Variants in SYNM observed in about 807,000 individuals in gnomAD.
SYNM encodes desmuslin.
Under a neutral mutation model 104.0 loss-of-function variants are expected in SYNM, and 95 were observed. The ratio of observed to expected loss-of-function variants is 0.91; its 90% CI spans 0.77 to 1.08. The LOEUF is 1.08. SYNM is among the 50% of genes least tolerant of loss of function. The pLI is 0.00. For synonymous variants in SYNM, 918 were observed against 869.0 expected, an observed-to-expected ratio of 1.06 and a Z score of -0.99; for missense variants, 2,150 against 2,052.2, an observed-to-expected ratio of 1.05 and a Z score of -0.92.
chr15:99,121,719 A>G (rs548213106), intron 2 of SYNM, among the ~76,000 whole-genome samples: 41 of 152,340 alleles, frequency 2.7e-4, no homozygotes, highest in African/African-American at 9.9e-4. Context: ...ATAGAGCCCA[A>G]TGATCAGCAA....
downstream of SYNM, among the ~76,000 whole-genome samples, chr15:99,138,489 T>G (rs145311657): frequency 6.6e-6 from 1 of 152,278 alleles, no homozygotes; most frequent in South Asian, 2.1e-4. Flanking sequence ...AATTTTTGTA[T>G]TTTTAGTAGA....
At position 99,114,799 on chromosome 15, in the gene SYNM, AG is replaced by A. The variant is rs1555483757; in HGVS notation, c.935+1085del. Among the ~76,000 whole-genome samples, 7 of 151,896 alleles carry A rather than the reference AG, an allele frequency of 4.6e-5. No homozygotes were observed. The South Asian group carries it at 1.3e-3, about 27-fold the overall frequency. ...ATCACCCTCCTTTCCCCTGGGTGCC[AG>A]TGCGTCTTTGATTGAGGTGGTGCCC... On this transcript the variant is annotated intron_variant, in intron 2 of 3. Transcript: ENST00000336292.
downstream of SYNM, chr15:99,139,485 T>G: frequency 6.3e-7 from 1 of 1,587,714 alleles, no homozygotes; most frequent in African/African-American, 1.3e-5. Flanking sequence ...GAGAGAAAGA[T>G]GACCTCATTC....
At chr15:99,127,074 C>G (rs1172874631) in intron 3 of SYNM, among the ~76,000 whole-genome samples, 1 of 152,202 alleles carries the variant, frequency 6.6e-6, no homozygotes, top group African/African-American at 2.4e-5. Flanking sequence ...TGAGGGCGAG[C>G]AGGAGTGCAC....
chr15:99,118,421 C>T (rs2067370171), intron 2 of SYNM, among the ~76,000 whole-genome samples: 2 of 152,138 alleles, frequency 1.3e-5, no homozygotes, highest in Non-Finnish European at 2.9e-5. Flanking sequence ...TGGCCGTTGC[C>T]CCAGAATTGC....
At chr15:99,112,831 C>T (rs549639816) in intron 1 of SYNM, among the ~76,000 whole-genome samples, 7 of 152,192 alleles carry the variant, frequency 4.6e-5, no homozygotes, top group Non-Finnish European at 8.8e-5. Context: ...GTTCCTCAGC[C>T]TCCTGAGTAG....
chr15:99,139,504 T>G (rs782595589), downstream of SYNM: 3 of 1,563,756 alleles, frequency 1.9e-6, no homozygotes, highest in African/African-American at 4.1e-5. Flanking sequence ...TCTTAGGCCC[T>G]GCTGTGATGG....
rs2067352140 is a variant in SYNM, at chr15:99,116,630, T to C, written c.935+2915T>C. ...GTGAAAGGGCAGCAGGCATGTCACA[T>C]GGCAAGAGAGCGAGCAAGAGAGTGG... On this transcript the variant is annotated intron_variant, in intron 2 of 3. Coordinates refer to ENST00000336292, the MANE Select transcript of SYNM (RefSeq NM_145728.3). Among the ~76,000 whole-genome samples the C allele has an allele frequency of 1.4e-5, 2 of 143,414 alleles. 1 individual carries two copies. The highest frequency in any genetic ancestry group is 3.1e-5 in the Non-Finnish European group (2 of 64,632). The allele number at this position is 143,414 out of a possible 152,430, so 94.1% of individuals were successfully genotyped here.
chr15:99,114,540 G>A (rs1312949477), intron 2 of SYNM, among the ~76,000 whole-genome samples: 1 of 152,048 alleles, frequency 6.6e-6, no homozygotes, highest in Non-Finnish European at 1.5e-5. Context: ...ATGCCACCCT[G>A]TGTGGGTTTG....
At chr15:99,139,299 T>A, downstream of SYNM, 1 of 1,609,378 alleles carries the variant, frequency 6.2e-7, no homozygotes, top group Non-Finnish European at 8.5e-7. Flanking sequence ...AGAGAAAGTG[T>A]GAGGGACGCC....
At position 99,130,767 on chromosome 15, in the gene SYNM, C is replaced by T. The variant is rs782473807; in HGVS notation, c.2407C>T (p.Arg803Ter). ...SDVTFSVNQH[R>*]RTKQPQENTT... ...TGTCACATTCTCAGTTAATCAGCAT[C>T]GAAGGACCAAGCAGCCTCAGGAGAA... The change falls in exon 4 of 4, where the codon CGA becomes TGA. Residue 803 changes from arginine to a stop codon, truncating the protein, a stop_gained. Coordinates refer to ENST00000336292, the MANE Select transcript of SYNM (RefSeq NM_145728.3). LOFTEE classifies it high-confidence loss of function. The T allele has an allele frequency of 6.8e-6, 11 of 1,613,732 alleles. No individual in the cohort carries two copies. Among genetic ancestry groups the T allele is most frequent in the East Asian group, 2.2e-5 (1 of 44,874 alleles).
In SYNM at chr15:99,131,798, T is replaced by C. The variant is rs782737537; in HGVS notation, c.3438T>C (p.Thr1146=). Residue 1146 remains threonine, a synonymous_variant, in exon 4 of 4, where the codon ACT becomes ACC. Transcript: ENST00000336292. This position sits in a 1 kb window ranked among gnomAD's most constrained non-coding sequence, Gnocchi z 4.3. ...AGCGAATGTCATATGAAGGACCCAC[T>C]GCAGAAGTGGTGGAGGTAAGTGCGG... ...RTERMSYEGP[T]AEVVEVSAGG... 8 of 1,613,922 alleles carry C rather than the reference T, an allele frequency of 5.0e-6. No individual in the cohort carries two copies. The East Asian group carries it at 1.8e-4, about 36-fold the overall frequency.
chr15:99,105,262 G>A lies in SYNM; in HGVS notation c.63G>A (p.Arg21=). The A allele has an allele frequency of 6.4e-7, 1 of 1,565,158 alleles. No homozygotes were observed. Among genetic ancestry groups the A allele is most frequent in the Non-Finnish European group, 8.7e-7 (1 of 1,155,732 alleles). The change falls in exon 1 of 4, where the codon CGG becomes CGA. Residue 21 remains arginine (R), a synonymous_variant. Transcript: ENST00000336292. The stretch of plus-strand genomic sequence containing the variant: ...CCGAGCTCCAGGAGCTCAACGCCCG[G>A]CTCTATGACTACGTGTGTCGGGTGC... ...EKAELQELNA[R]LYDYVCRVRE...
intron 3 of SYNM, among the ~76,000 whole-genome samples, chr15:99,127,458 AAGAGCT>A (rs781966498): frequency 6.6e-6 from 1 of 152,196 alleles, no homozygotes; most frequent in African/African-American, 2.4e-5. Context: ...TAGAATCTTG[AAGAGCT>A]CTGGCTAAGC....
At chr15:99,112,931 G>A (rs879970598) in intron 1 of SYNM, among the ~76,000 whole-genome samples, 2 of 152,110 alleles carry the variant, frequency 1.3e-5, no homozygotes, top group Non-Finnish European at 1.5e-5. Context: ...GGCTGGTCTC[G>A]AACTCCCGAC....
downstream of SYNM, chr15:99,138,186 C>G: frequency 6.3e-7 from 1 of 1,593,904 alleles, no homozygotes; most frequent in Non-Finnish European, 8.5e-7. Context: ...ACACCGTTCC[C>G]ATCCAGCCTT....
chr15:99,113,225 C>T (rs1454990942), intron 1 of SYNM, among the ~76,000 whole-genome samples: 2 of 152,156 alleles, frequency 1.3e-5, no homozygotes, highest in African/African-American at 4.8e-5. Context: ...GATTTCTAGT[C>T]TTGGCTTATT....
In SYNM at chr15:99,131,846, G is replaced by A. The variant is rs2067512500; in HGVS notation, c.3486G>A (p.Ala1162=). The A allele has an allele frequency of 5.0e-6, 8 of 1,613,836 alleles. No homozygotes were observed. The highest frequency in any genetic ancestry group is 1.1e-5 in the South Asian group (1 of 91,084). ...VSAGGDLSQA[A]SPTGASRSVR... ...CGGGAGGTGACCTAAGTCAGGCAGC[G>A]AGCCCGACCGGAGCCAGCCGGTCTG... Residue 1162 remains alanine (A), a synonymous_variant, in exon 4 of 4, where the codon GCG becomes GCA. Transcript: ENST00000336292. This position sits in a 1 kb window ranked among gnomAD's most constrained non-coding sequence, Gnocchi z 4.3.
chr15:99,138,145 G>A (rs782642479), downstream of SYNM: 5 of 1,611,388 alleles, frequency 3.1e-6, no homozygotes, highest in Admixed American at 5.0e-5. Context: ...CAAGCAGAGG[G>A]TGGGGTGAGT....
Sources: allele counts gnomAD v4.1 joint callset (sites outside exome capture counted in the v4.1 genomes callset), GRCh38; gene constraint gnomAD v4.1.1; non-coding constraint Gnocchi (gnomAD v3.1); transcripts MANE v1.5; gene names NCBI Gene and HGNC (gene_info 2026-07-23, HGNC 2026-07-21).